Variants in IRAK2 observed in about 807,000 individuals in gnomAD.
The protein encoded by IRAK2 is interleukin 1 receptor associated kinase 2.
In IRAK2, 57 loss-of-function variants were observed where a neutral mutation model predicts 72.0. That is an observed-to-expected ratio of 0.79 (90% CI 0.64 to 0.99). IRAK2 has a LOEUF of 0.99. Ranked by LOEUF, IRAK2 falls within the 50% of genes least tolerant of loss-of-function variation. The pLI is 0.00. For missense variants in IRAK2, 790 were observed against 794.4 expected (o/e 0.99, Z 0.07); for synonymous variants, 293 against 312.7 (o/e 0.94, Z 0.67).
At chr3:10,177,677 C>G (rs190031345) in intron 1 of IRAK2, among the ~76,000 whole-genome samples, 161 bp from the exon 2 acceptor site, 24 of 152,326 alleles carry the variant, frequency 1.6e-4, no homozygotes, top group Admixed American at 3.3e-4. Flanking sequence ...AGCGTTGTAA[C>G]TTGGGCCACC....
chr3:10,228,512 A>G (rs1410187374), intron 10 of IRAK2, among the ~76,000 whole-genome samples: 4 of 152,290 alleles, frequency 2.6e-5, no homozygotes, highest in African/African-American at 9.6e-5. Flanking sequence ...GGCTCCCCGG[A>G]CAAGTGTCAC....
At chr3:10,230,093 G>A (rs909784587) in intron 10 of IRAK2, among the ~76,000 whole-genome samples, 1 of 152,048 alleles carries the variant, frequency 6.6e-6, no homozygotes, top group African/African-American at 2.4e-5. Flanking sequence ...GTGAGACTCT[G>A]TCTCAAAAAA....
chr3:10,215,751 T>TACACACACACACACAC lies in IRAK2; in HGVS notation c.789-1175_789-1160dup, dbSNP rs145978380. The stretch of plus-strand genomic sequence containing the variant: ...ACATGTATATGAATACTCACATGTG[T>TACACACACACACACAC]ACACACACACACACACACACACAGA... On this transcript the variant is annotated intron_variant, in intron 6 of 12. Coordinates refer to ENST00000256458, the MANE Select transcript of IRAK2 (RefSeq NM_001570.4). 4.3e-3 allele frequency among the ~76,000 whole-genome samples: 639 copies of TACACACACACACACAC among 150,120 alleles called. 3 individuals are homozygous for TACACACACACACACAC. The highest frequency in any genetic ancestry group is 0.011 in the African/African-American group (446 of 40,846).
intron 2 of IRAK2, among the ~76,000 whole-genome samples, chr3:10,187,674 C>T (rs866547199): frequency 1.9e-4 from 29 of 152,324 alleles, no homozygotes; most frequent in Middle Eastern, 6.8e-3. Context: ...GGCTCTGATA[C>T]GTCCTGCAGC....
intron 2 of IRAK2, 73 bp downstream of exon 2, chr3:10,178,093 C>T (rs1696906596): frequency 4.2e-6 from 5 of 1,200,340 alleles, no homozygotes; most frequent in Non-Finnish European, 1.2e-6. Flanking sequence ...GTGAGTTGCA[C>T]TCTCTGGCCT....
intron 1 of IRAK2, 139 bp downstream of exon 1, chr3:10,165,187 AC>A: frequency 1.4e-6 from 1 of 690,542 alleles, no homozygotes. Context: ...AGCCTCCTGG[AC>A]CGGGTCCGCC....
intron 2 of IRAK2, among the ~76,000 whole-genome samples, chr3:10,192,545 ACAACTACCTTATACTTGGTAG>A (rs760336708): frequency 1.2e-3 from 176 of 152,352 alleles, no homozygotes; most frequent in Middle Eastern, 3.4e-3. Context: ...CAGATATAAG[ACAACTACCTTATACTTGGTAG>A]CAATTATCCC....
chr3:10,178,045 A>G (rs1681663), intron 2 of IRAK2, 25 bp downstream of exon 2: 1,157,011 of 1,570,352 alleles, frequency 0.74, 433,957 homozygotes, highest in Non-Finnish European at 0.77. Flanking sequence ...GCCCTCCTTG[A>G]GTGGGGCCCA....
chr3:10,233,814 C>T (rs1697905764), intron 10 of IRAK2, among the ~76,000 whole-genome samples: 1 of 152,102 alleles, frequency 6.6e-6, no homozygotes. Context: ...TTTAGGTGCA[C>T]TGTTTCATTG....
At chr3:10,224,872 T>G (rs1328649599) in intron 9 of IRAK2, among the ~76,000 whole-genome samples, 1 of 149,638 alleles carries the variant, frequency 6.7e-6, no homozygotes, top group Non-Finnish European at 1.5e-5. Context: ...ATAACGCTTT[T>G]GAACTTTGAT....
intron 4 of IRAK2, among the ~76,000 whole-genome samples, chr3:10,210,413 A>G (rs1697500186): frequency 1.3e-5 from 2 of 152,238 alleles, no homozygotes; most frequent in East Asian, 1.9e-4. Flanking sequence ...TACGAAGATA[A>G]ATAAAATCCA....
rs772696184 is a variant in IRAK2, at chr3:10,213,391, A to G, written c.713A>G (p.Lys238Arg). Residue 238 changes from lysine (K) to arginine (R), a missense_variant, in exon 5 of 13, where the codon AAG becomes AGG. By Grantham distance (26) the Lys-to-Arg change is conservative (BLOSUM62 2). Transcript: ENST00000256458. Reference protein sequence around the residue: ...HRHGKPFVFKKLRETACSSPG... With the variant: ...HRHGKPFVFKRLRETACSSPG... The stretch of plus-strand genomic sequence containing the variant: ...CACGGGAAGCCATTCGTCTTCAAGA[A>G]GCTCAGAGAGGTGAGCACTTCTTGG... 8.3e-5 allele frequency: 134 copies of G among 1,613,842 alleles called. No homozygotes were observed. The highest frequency in any genetic ancestry group is 1.1e-4 in the Non-Finnish European group (127 of 1,180,002).
chr3:10,202,054 G>C (rs540559187), intron 3 of IRAK2, among the ~76,000 whole-genome samples: 13 of 152,212 alleles, frequency 8.5e-5, no homozygotes, highest in Non-Finnish European at 1.9e-4. Flanking sequence ...CTCATTAAAT[G>C]TTATCTGATA....
chr3:10,194,202 T>C (rs772359137), intron 2 of IRAK2, among the ~76,000 whole-genome samples: 29 of 152,146 alleles, frequency 1.9e-4, no homozygotes, highest in Admixed American at 9.2e-4. Flanking sequence ...GGTCTGTGCC[T>C]GGGCGTGAAG....
At chr3:10,168,543 C>A (rs1696741052) in intron 1 of IRAK2, among the ~76,000 whole-genome samples, 1 of 152,166 alleles carries the variant, frequency 6.6e-6, no homozygotes, top group Non-Finnish European at 1.5e-5. Flanking sequence ...GCCACCTGAG[C>A]CAGTGTGAAG....
chr3:10,230,158 G>A (rs1697837164), intron 10 of IRAK2, among the ~76,000 whole-genome samples: 1 of 152,098 alleles, frequency 6.6e-6, no homozygotes, highest in South Asian at 2.1e-4. Context: ...ATATCTCCAA[G>A]TGAACAAAGC....
Position 10,213,352 on chromosome 3 carries a change from A to G in IRAK2, c.674A>G (p.Tyr225Cys), listed in dbSNP as rs767404850. The G allele has an allele frequency of 2.5e-6, 4 of 1,614,006 alleles. No homozygotes were observed. Among genetic ancestry groups the G allele is most frequent in the East Asian group, 4.5e-5 (2 of 44,890 alleles). The change falls in exon 5 of 13, where the codon TAC becomes TGC. Residue 225 changes from tyrosine (Y) to cysteine (C), a missense_variant. Physicochemically the swap from Tyr to Cys is radical, Grantham distance 194 (BLOSUM62 -2). Coordinates refer to ENST00000256458, the MANE Select transcript of IRAK2 (RefSeq NM_001570.4). ...AGCCAGGGGACCTTTGCTGACGTCT[A>G]CAGAGGGCACAGGCACGGGAAGCCA... ...KISQGTFADVYRGHRHGKPFV... is the reference protein window; with the variant it reads ...KISQGTFADVCRGHRHGKPFV...
At chr3:10,166,901 C>T (rs192942465) in intron 1 of IRAK2, among the ~76,000 whole-genome samples, 16 of 152,324 alleles carry the variant, frequency 1.1e-4, no homozygotes, top group Non-Finnish European at 1.9e-4. Context: ...GCTTTGGCCT[C>T]CCAAAGTGCT....
intron 4 of IRAK2, among the ~76,000 whole-genome samples, chr3:10,212,076 T>C (rs1441449252): frequency 8.7e-6 from 1 of 114,772 alleles, no homozygotes; most frequent in Non-Finnish European, 2.0e-5. Flanking sequence ...CGAGACTCTG[T>C]CTCAAAAAAA....
Sources: gnomAD v4.1 joint callset for allele counts (sites outside exome capture counted in the v4.1 genomes callset) on GRCh38, gnomAD v4.1.1 for gene constraint, MANE v1.5 for transcripts, NCBI Gene and HGNC (gene_info 2026-07-23, HGNC 2026-07-21) for gene names.